Variants in THSD7A observed in about 807,000 individuals in gnomAD.
THSD7A encodes thrombospondin type 1 domain containing 7A.
In THSD7A, 96 loss-of-function variants were observed where a neutral mutation model predicts 231.3. The observed-to-expected ratio is 0.41, with a 90% CI of 0.35 to 0.49. THSD7A has a LOEUF of 0.49. Ranked by LOEUF, THSD7A falls within the 20% of genes least tolerant of loss-of-function variation. THSD7A has a pLI of 0.05. For synonymous variants in THSD7A, 940 were observed against 743.3 expected, an observed-to-expected ratio of 1.26 and a Z score of -4.30; for missense variants, 2,290 against 2,070.2, an observed-to-expected ratio of 1.11 and a Z score of -2.06.
chr7:11,530,797 G>A (rs895688191), intron 6 of THSD7A, among the ~76,000 whole-genome samples: 2 of 152,114 alleles, frequency 1.3e-5, no homozygotes, highest in African/African-American at 4.8e-5. Flanking sequence ...GATCACTTGA[G>A]GTCAGGAGTT....
At chr7:11,656,025 C>A (rs1339442107) in intron 1 of THSD7A, among the ~76,000 whole-genome samples, 4 of 151,876 alleles carry the variant, frequency 2.6e-5, no homozygotes, top group African/African-American at 9.7e-5. Flanking sequence ...TAATCAGCAG[C>A]CTTCACTGAT....
At chr7:11,418,133 T>G (rs536953347) in intron 16 of THSD7A, among the ~76,000 whole-genome samples, 1 of 152,354 alleles carries the variant, frequency 6.6e-6, no homozygotes, top group East Asian at 1.9e-4. Context: ...TGAAAACAAC[T>G]AGAGGCATTT....
chr7:11,615,138 G>C (rs1345147484), intron 2 of THSD7A, among the ~76,000 whole-genome samples: 1 of 152,186 alleles, frequency 6.6e-6, no homozygotes, highest in East Asian at 1.9e-4. Flanking sequence ...CTTGCAGCTT[G>C]AGTTCCACAT....
intron 1 of THSD7A, among the ~76,000 whole-genome samples, chr7:11,816,377 T>C: frequency 6.6e-6 from 1 of 152,202 alleles, no homozygotes; most frequent in East Asian, 1.9e-4. Context: ...CATTATTCCA[T>C]CTGGGTCTGT....
intron 9 of THSD7A, among the ~76,000 whole-genome samples, chr7:11,465,155 A>G (rs1359344710): frequency 6.6e-6 from 1 of 152,172 alleles, no homozygotes; most frequent in Non-Finnish European, 1.5e-5. Flanking sequence ...TAAGTGCTTA[A>G]TAAATATTTG....
chr7:11,780,252 C>T (rs1377925971), intron 1 of THSD7A, among the ~76,000 whole-genome samples: 1 of 152,152 alleles, frequency 6.6e-6, no homozygotes, highest in Non-Finnish European at 1.5e-5. Flanking sequence ...CCTTTTAATA[C>T]CATCACATTA....
At chr7:11,800,872 T>C (rs994814980) in intron 1 of THSD7A, among the ~76,000 whole-genome samples, 14 of 152,186 alleles carry the variant, frequency 9.2e-5, no homozygotes, top group African/African-American at 3.4e-4. Context: ...ATAGATCTCA[T>C]GTTAAGTGTT....
At chr7:11,784,943 T>C (rs552660515) in intron 1 of THSD7A, among the ~76,000 whole-genome samples, 3 of 152,230 alleles carry the variant, frequency 2.0e-5, no homozygotes, top group Admixed American at 6.5e-5. Context: ...CTTAGATAGG[T>C]AGTAAACCTT....
At chr7:11,438,563 A>G (rs1784704419) in intron 13 of THSD7A, among the ~76,000 whole-genome samples, 1 of 152,064 alleles carries the variant, frequency 6.6e-6, no homozygotes, top group Non-Finnish European at 1.5e-5. Flanking sequence ...AAACATGGAA[A>G]AGTCAATACA....
chr7:11,477,817 A>G (rs1786255526), intron 7 of THSD7A, among the ~76,000 whole-genome samples: 1 of 152,146 alleles, frequency 6.6e-6, no homozygotes, highest in Non-Finnish European at 1.5e-5. Context: ...TGCTGCAGCT[A>G]CTTACTTCTG....
intron 1 of THSD7A, among the ~76,000 whole-genome samples, chr7:11,710,099 TA>T (rs527947564): frequency 1.3e-5 from 2 of 150,426 alleles, no homozygotes; most frequent in Admixed American, 6.7e-5. Context: ...TATTTTTTTT[TA>T]AAAAATGAGG....
intron 4 of THSD7A, among the ~76,000 whole-genome samples, chr7:11,566,881 A>G (rs1450372051): frequency 6.7e-6 from 1 of 149,494 alleles, no homozygotes; most frequent in African/African-American, 2.5e-5. Flanking sequence ...ATCCTTCTAA[A>G]TGTTTGATAT....
At chr7:11,771,858 A>G (rs894203689) in intron 1 of THSD7A, among the ~76,000 whole-genome samples, 1 of 152,098 alleles carries the variant, frequency 6.6e-6, no homozygotes, top group African/African-American at 2.4e-5. Flanking sequence ...TGTGACGGTG[A>G]GTGAATTCTC....
rs1782032641 is a variant in THSD7A, at chr7:11,371,034, T to C, written c.*4760A>G. ...ACTGACAATTATATTCTAAATAATA[T>C]AGAGATTTTTGATCACTGAAAACAT... On this transcript the variant is annotated 3_prime_UTR_variant, in exon 28 of 28. Coordinates refer to ENST00000423059, the MANE Select transcript of THSD7A (RefSeq NM_015204.3). 1 of 152,150 alleles carries C rather than the reference T, an allele frequency of 6.6e-6. No individual in the cohort carries two copies. The highest frequency in any genetic ancestry group is 1.5e-5 in the Non-Finnish European group (1 of 68,018). 9.4% of individuals were successfully genotyped at this position (152,150 alleles called of 1,614,324 possible). A position where few individuals can be genotyped will look rare whatever the true frequency, so the allele number is the denominator to read the frequency against.
At chr7:11,695,418 G>GTT (rs35760079) in intron 1 of THSD7A, among the ~76,000 whole-genome samples, 1,572 of 151,536 alleles carry the variant, frequency 0.01, 22 homozygotes, top group African/African-American at 0.036. Context: ...ATATAATCTG[G>GTT]ATCCTCAATA....
chr7:11,819,280 T>C (rs1340995596), intron 1 of THSD7A, among the ~76,000 whole-genome samples: 4 of 152,194 alleles, frequency 2.6e-5, no homozygotes. Context: ...CAGTTTCTTA[T>C]AAAGCTAAAT....
At chr7:11,477,048 A>C (rs1786220307) in intron 7 of THSD7A, among the ~76,000 whole-genome samples, 1 of 152,138 alleles carries the variant, frequency 6.6e-6, no homozygotes. Flanking sequence ...TTAAATATTC[A>C]AAATCCAAAA....
chr7:11,491,969 C>A (rs565124222), intron 6 of THSD7A, among the ~76,000 whole-genome samples: 1 of 152,042 alleles, frequency 6.6e-6, no homozygotes, highest in African/African-American at 2.4e-5. Flanking sequence ...GGGGTCTTCA[C>A]ACTTCCAATC....
chr7:11,409,912 T>C (rs756410690), intron 19 of THSD7A, among the ~76,000 whole-genome samples: 4 of 152,222 alleles, frequency 2.6e-5, no homozygotes, highest in Admixed American at 1.3e-4. Flanking sequence ...CCGGCTAATT[T>C]TGTATTTTTA....
Sources: gnomAD v4.1 joint callset for allele counts (sites outside exome capture counted in the v4.1 genomes callset) on GRCh38, gnomAD v4.1.1 for gene constraint, MANE v1.5 for transcripts, NCBI Gene and HGNC (gene_info 2026-07-23, HGNC 2026-07-21) for gene names.